The following NOTCH1 variants were observed in gnomAD, a reference collection of about 807,000 sequenced individuals.
NOTCH1 encodes neurogenic locus notch homolog protein 1.
A neutral mutation model predicts 254.8 loss-of-function variants in NOTCH1; 37 were observed. That is an observed-to-expected ratio of 0.15 (90% CI 0.11 to 0.19). The LOEUF (loss-of-function observed/expected upper bound fraction) is 0.19. Among genes scored for constraint, NOTCH1 ranks in the 10% least tolerant of loss-of-function variants. The probability of loss-of-function intolerance (pLI) is 1.00; values close to 1 mark genes in which losing one functional copy is unlikely to be tolerated. For synonymous variants in NOTCH1, 1,731 were observed against 1,618.1 expected (o/e 1.07, Z -1.68); for missense variants, 2,972 against 3,708.6 (o/e 0.80, Z 5.16).
chr9:136,501,478 G>A (rs1014838468), intron 30 of NOTCH1, among the ~76,000 whole-genome samples: 2 of 151,500 alleles, frequency 1.3e-5, no homozygotes, highest in African/African-American at 2.4e-5. Flanking sequence ...GAAAATCAAC[G>A]CTTTCCATGT....
Position 136,540,245 on chromosome 9 carries a change from C to T in NOTCH1, c.140+3779G>A, listed in dbSNP as rs1465574699. Among the ~76,000 whole-genome samples, 1 of 152,192 alleles carries T rather than the reference C, an allele frequency of 6.6e-6. No homozygotes were observed. Among genetic ancestry groups the T allele is most frequent in the South Asian group, 2.1e-4 (1 of 4,830 alleles). On this transcript the variant is annotated intron_variant, in intron 2 of 33. Coordinates refer to ENST00000651671, the MANE Select transcript of NOTCH1 (RefSeq NM_017617.5). The surrounding 1 kb of genome is among the most constrained non-coding windows in gnomAD (Gnocchi z 4.4). ...GAAGTGAACTCCACAGGAGCAGGGG[C>T]CATGTCTGCCCTGTCCCCACCGGGG... is the stretch of plus-strand genomic sequence containing the variant.
chr9:136,505,132 G>C (rs371872702), intron 25 of NOTCH1, 28 bp from the exon 26 acceptor site: 3 of 1,595,656 alleles, frequency 1.9e-6, no homozygotes, highest in Non-Finnish European at 2.6e-6. Flanking sequence ...CGCTCAGGCC[G>C]CCTTCCTCGG....
intron 4 of NOTCH1, among the ~76,000 whole-genome samples, chr9:136,520,196 T>A (rs1338610017): frequency 6.6e-6 from 1 of 152,132 alleles, no homozygotes; most frequent in Non-Finnish European, 1.5e-5. Flanking sequence ...GCTGGTTCAA[T>A]GATCAACCCA....
rs774463239 is a variant in NOTCH1 at position 136,505,141 on chromosome 9, G to C, written c.4587-37C>G. ...GGGACACGCTCAGGCCGCCTTCCTC[G>C]GGGGGCCTCGCACCCGCCGTCCGGT... On this transcript the variant is annotated intron_variant, in intron 25 of 33. Coordinates refer to ENST00000651671, the MANE Select transcript of NOTCH1 (RefSeq NM_017617.5). 4.4e-6 allele frequency: 7 copies of C among 1,585,204 alleles called. No individual in the cohort carries two copies. The Admixed American group carries it at 8.5e-5, about 19-fold the overall frequency.
At position 136,503,258 on chromosome 9, in the gene NOTCH1, G is replaced by A. The variant is rs775882968; in HGVS notation, c.5091C>T (p.Thr1697=). Residue 1697 remains threonine (T), a synonymous_variant, in exon 27 of 34, where the codon ACC becomes ACT. Coordinates refer to ENST00000651671, the MANE Select transcript of NOTCH1 (RefSeq NM_017617.5). ...GCGCTCCCAGGAATGCGGCCACGTCGGTGGCACTCTGGAAGCACTGCGAGG... is the reference window on the plus strand; with the variant it reads ...GCGCTCCCAGGAATGCGGCCACGTCAGTGGCACTCTGGAAGCACTGCGAGG... The part of the protein sequence containing the change: ...QASSQCFQSA[T]DVAAFLGALA... The A allele has an allele frequency of 2.9e-5, 47 of 1,612,988 alleles. No homozygotes were observed. The South Asian group carries it at 3.3e-4, about 11-fold the overall frequency.
chr9:136,535,527 AGCAC>A (rs1843635588), intron 2 of NOTCH1, among the ~76,000 whole-genome samples: 1 of 65,796 alleles, frequency 1.5e-5, no homozygotes, highest in African/African-American at 1.2e-4. Flanking sequence ...TGGAGGGGGG[AGCAC>A]TCAGGATCCC....
rs966207041 is a variant in NOTCH1 at position 136,495,137 on chromosome 9, C to T, written c.*934G>A. The T allele has an allele frequency of 2.3e-5, 9 of 398,954 alleles. No individual in the cohort carries two copies. Among genetic ancestry groups the T allele is most frequent in the African/African-American group, 1.4e-4 (7 of 48,636 alleles). The allele number at this position is 398,954 out of a possible 1,614,324, so 24.7% of individuals were successfully genotyped here. ...ACTGTGCAGGCTGAGGTGCTGGGGC[C>T]GCCACCGGGGTCAGCCCAGGCAGTG... is the stretch of plus-strand genomic sequence containing the variant. On this transcript the variant is annotated 3_prime_UTR_variant, in exon 34 of 34. Coordinates refer to ENST00000651671, the MANE Select transcript of NOTCH1 (RefSeq NM_017617.5).
Position 136,513,066 on chromosome 9 carries a change from C to T in NOTCH1, c.2422G>A (p.Asp808Asn). The T allele has an allele frequency of 1.9e-6, 3 of 1,603,386 alleles. No individual in the cohort carries two copies. Among genetic ancestry groups the T allele is most frequent in the Non-Finnish European group, 2.6e-6 (3 of 1,174,590 alleles). ...TTGCACTTGTACCCGGCAACGTCGT[C>T]AATACACGTGCCCTGGTTCAGACAT... Reference protein sequence around the residue: ...NPCLNQGTCIDDVAGYKCNCL... With the variant: ...NPCLNQGTCINDVAGYKCNCL... Residue 808 changes from aspartate to asparagine, a missense_variant, in exon 15 of 34, where the codon GAC becomes AAC. Physicochemically the swap from Asp to Asn is conservative, Grantham distance 23 (BLOSUM62 1). Transcript: ENST00000651671. This position sits in a 1 kb window ranked among gnomAD's most constrained non-coding sequence, Gnocchi z 4.7.
At chr9:136,519,210 C>T (rs571889487) in intron 5 of NOTCH1, among the ~76,000 whole-genome samples, 15 of 152,360 alleles carry the variant, frequency 9.8e-5, no homozygotes, top group African/African-American at 2.4e-4. Context: ...AGGTTGCAAA[C>T]GGCCCACACA....
chr9:136,503,066 A>G, intron 27 of NOTCH1, 116 bp downstream of exon 27: 1 of 1,460,744 alleles, frequency 6.8e-7, no homozygotes, highest in Non-Finnish European at 9.5e-7. Flanking sequence ...CCCAACTCGG[A>G]CGGCAACGCT....
rs587778561 is a variant in NOTCH1 at position 136,513,108 on chromosome 9, CGTT to C, written c.2377_2379del (p.Asn793del). On this transcript the variant is annotated inframe_deletion, in exon 15 of 34. Coordinates refer to ENST00000651671, the MANE Select transcript of NOTCH1 (RefSeq NM_017617.5). This position sits in a 1 kb window ranked among gnomAD's most constrained non-coding sequence, Gnocchi z 4.7. ...TTCAGACATGGGTTGGACGCACACT[CGTT>C]GATGTTGGTCTGGCAGTTGGGACCT... The C allele has an allele frequency of 2.9e-5, 46 of 1,612,788 alleles. No homozygotes were observed. The highest frequency in any genetic ancestry group is 8.0e-5 in the African/African-American group (6 of 74,860).
Position 136,504,690 on chromosome 9 carries a change from G to T in NOTCH1, c.5001C>A (p.Asp1667Glu). Residue 1667 changes from aspartate to glutamate, a missense_variant, in exon 26 of 34, where the codon GAC becomes GAA. Asp to Glu is a conservative substitution (Grantham distance 45). Transcript: ENST00000651671. ...TCACTCACCCGCGGACGTCCATGGG[G>T]TCCAGCTCCCTCCGCCGCCGCCCAC... ...SEGGRRRREL[D>E]PMDVRGSIVY... 6.5e-7 allele frequency: 1 copy of T among 1,529,936 alleles called. No individual in the cohort carries two copies. The highest frequency in any genetic ancestry group is 8.8e-7 in the Non-Finnish European group (1 of 1,136,870). 94.8% of individuals were successfully genotyped at this position (1,529,936 alleles called of 1,614,324 possible).
rs1843718991 is a variant in NOTCH1 at position 136,540,605 on chromosome 9, G to A, written c.140+3419C>T. ...ATGCAATCCTCACACACCACCAAGA[G>A]ATCCAGCGTGTATCAGCCCGGCTGA... On this transcript the variant is annotated intron_variant, in intron 2 of 33. Transcript: ENST00000651671. This position sits in a 1 kb window ranked among gnomAD's most constrained non-coding sequence, Gnocchi z 4.4. 6.7e-6 allele frequency among the ~76,000 whole-genome samples: 1 copy of A among 149,010 alleles called. No individual in the cohort carries two copies. Among genetic ancestry groups the A allele is most frequent in the South Asian group, 2.1e-4 (1 of 4,686 alleles).
intron 4 of NOTCH1, among the ~76,000 whole-genome samples, chr9:136,519,797 C>G (rs1843338123): frequency 6.6e-6 from 1 of 152,236 alleles, no homozygotes; most frequent in African/African-American, 2.4e-5. Context: ...ACACAGGGTT[C>G]CAGAAGATTC....
chr9:136,520,461 C>T (rs1200479541), intron 4 of NOTCH1, among the ~76,000 whole-genome samples: 1 of 152,122 alleles, frequency 6.6e-6, no homozygotes, highest in East Asian at 1.9e-4. Flanking sequence ...AGCCCTGGCG[C>T]GGTGGCTCAC....
intron 17 of NOTCH1, 26 bp downstream of exon 17, chr9:136,510,627 G>A (rs1843164449): frequency 2.5e-6 from 4 of 1,596,126 alleles, no homozygotes; most frequent in Non-Finnish European, 3.4e-6. Context: ...CTTCCTGGAG[G>A]AGGCCAGAGC....
chr9:136,513,547 G>A lies in NOTCH1; in HGVS notation c.2208-10C>T. 1.9e-6 allele frequency: 3 copies of A among 1,612,824 alleles called. No homozygotes were observed. The highest frequency in any genetic ancestry group is 1.1e-5 in the South Asian group (1 of 91,084). ...ACAGTCGCACTTGTACCTGCAAGGG[G>A]GACCACACTGCAGGTCGAGGGAGGC... On this transcript the variant is annotated splice_polypyrimidine_tract_variant and intron_variant, in intron 13 of 33. Coordinates refer to ENST00000651671, the MANE Select transcript of NOTCH1 (RefSeq NM_017617.5). This position sits in a 1 kb window ranked among gnomAD's most constrained non-coding sequence, Gnocchi z 4.7.
At position 136,540,342 on chromosome 9, in the gene NOTCH1, G is replaced by A. The variant is rs2133401517; in HGVS notation, c.140+3682C>T. Among the ~76,000 whole-genome samples, 1 of 152,256 alleles carries A rather than the reference G, an allele frequency of 6.6e-6. No homozygotes were observed. Among genetic ancestry groups the A allele is most frequent in the Non-Finnish European group, 1.5e-5 (1 of 68,006 alleles). ...TCTGTGAACTGGAGCCACCCTGGGA[G>A]ATGGACTTCCCCGGAGCTGGAGCCA... On this transcript the variant is annotated intron_variant, in intron 2 of 33. Coordinates refer to ENST00000651671, the MANE Select transcript of NOTCH1 (RefSeq NM_017617.5). This position sits in a 1 kb window ranked among gnomAD's most constrained non-coding sequence, Gnocchi z 4.4.
rs1314636670 is a variant in NOTCH1, at chr9:136,496,866, T to C, written c.6873A>G (p.Gly2291=). The change falls in exon 34 of 34, where the codon GGA becomes GGG. Residue 2291 remains glycine, a synonymous_variant. Transcript: ENST00000651671. ...CGCCCACAGTGAAATTCAGGGCCCC[T>C]CCGCTGCTGGAGCCCAGGACGGTGC... ...GTSTVLGSSS[G]GALNFTVGGS... The C allele has an allele frequency of 1.2e-6, 2 of 1,612,806 alleles. No individual in the cohort carries two copies. Among genetic ancestry groups the C allele is most frequent in the South Asian group, 2.2e-5 (2 of 91,084 alleles).
Sources: allele counts gnomAD v4.1 joint callset (sites outside exome capture counted in the v4.1 genomes callset), GRCh38; gene constraint gnomAD v4.1.1; non-coding constraint Gnocchi (gnomAD v3.1); transcripts MANE v1.5; gene names NCBI Gene and HGNC (gene_info 2026-07-23, HGNC 2026-07-21).